Variants in BBS4 observed in about 807,000 individuals in gnomAD.
BBS4 encodes the protein Bardet-Biedl syndrome 4.
In BBS4, 58 loss-of-function variants were observed where a neutral mutation model predicts 71.4. The ratio of observed to expected loss-of-function variants is 0.81; its 90% CI spans 0.66 to 1.01. BBS4 has a LOEUF of 1.01. BBS4 is among the 50% of genes least tolerant of loss of function. The probability of loss-of-function intolerance (pLI) is 0.00; values close to 1 mark genes in which losing one functional copy is unlikely to be tolerated. For missense variants in BBS4, 660 were observed against 607.9 expected (o/e 1.09, Z -0.90); for synonymous variants, 228 against 216.8 (o/e 1.05, Z -0.46).
chr15:72,686,215 G>A lies in BBS4; in HGVS notation c.-13G>A. The A allele has an allele frequency of 6.4e-7, 1 of 1,560,204 alleles. No homozygotes were observed. Among genetic ancestry groups the A allele is most frequent in the Non-Finnish European group, 8.7e-7 (1 of 1,153,130 alleles). On this transcript the variant is annotated 5_prime_UTR_variant, in exon 1 of 16. Coordinates refer to ENST00000268057, the MANE Select transcript of BBS4 (RefSeq NM_033028.5). ...CGCCGACTTCCGGCCGCGCAGCGGT[G>A]GGCTGAGCTAAAATGGCTGAGGAGA...
chr15:72,692,589 A>T (rs2065006342), intron 1 of BBS4, among the ~76,000 whole-genome samples: 1 of 150,180 alleles, frequency 6.7e-6, no homozygotes, highest in South Asian at 2.1e-4. Context: ...CTGGGATTAG[A>T]GGTGTGAGCC....
At chr15:72,702,451 C>CACACA (rs1292165489) in intron 2 of BBS4, among the ~76,000 whole-genome samples, 6 of 152,130 alleles carry the variant, frequency 3.9e-5, no homozygotes, top group Non-Finnish European at 5.9e-5. Flanking sequence ...GATACATGCA[C>CACACA]ACACACCCTT....
chr15:72,692,398 C>G (rs1034788158), intron 1 of BBS4, among the ~76,000 whole-genome samples: 1 of 141,294 alleles, frequency 7.1e-6, no homozygotes, highest in Non-Finnish European at 1.5e-5. Flanking sequence ...TCACTGCAAC[C>G]TCTGCCTCCT....
At chr15:72,713,444 A>G (rs1442448431) in intron 4 of BBS4, among the ~76,000 whole-genome samples, 3 of 152,146 alleles carry the variant, frequency 2.0e-5, no homozygotes, top group Non-Finnish European at 2.9e-5. Context: ...TTCAGTGGCA[A>G]TAACATACAT....
chr15:72,704,427 G>A, intron 2 of BBS4: 4 of 1,287,226 alleles, frequency 3.1e-6, no homozygotes, highest in Non-Finnish European at 4.1e-6. Context: ...TTTTTAGGGG[G>A]AGTTGGAGTG....
chr15:72,706,427 C>A (rs1297426176), intron 2 of BBS4, among the ~76,000 whole-genome samples: 1 of 152,140 alleles, frequency 6.6e-6, no homozygotes, highest in African/African-American at 2.4e-5. Flanking sequence ...TGAGTCACCA[C>A]CCCCGGACCC....
At chr15:72,688,722 A>G (rs2064925939) in intron 1 of BBS4, among the ~76,000 whole-genome samples, 2 of 152,202 alleles carry the variant, frequency 1.3e-5, no homozygotes, top group Non-Finnish European at 2.9e-5. Flanking sequence ...AATACAATTA[A>G]AAGAACCCAG....
intron 2 of BBS4, among the ~76,000 whole-genome samples, chr15:72,696,691 TG>T (rs1201353295): frequency 6.6e-6 from 1 of 152,112 alleles, no homozygotes; most frequent in Admixed American, 6.5e-5. Flanking sequence ...CTGAAACTCC[TG>T]GGTTCAAATG....
chr15:72,736,656 C>T (rs1015410875), intron 14 of BBS4, 106 bp from the exon 15 acceptor site: 1 of 1,051,890 alleles, frequency 9.5e-7, no homozygotes, highest in Non-Finnish European at 1.5e-6. Flanking sequence ...GCTAGTACGA[C>T]CAGACACTAT....
intron 1 of BBS4, among the ~76,000 whole-genome samples, chr15:72,693,022 T>C (rs1056121054): frequency 6.6e-6 from 1 of 152,222 alleles, no homozygotes; most frequent in Admixed American, 6.5e-5. Context: ...TTGGAAGTTA[T>C]ACTTTGCCTT....
At chr15:72,696,748 G>A (rs192803328) in intron 2 of BBS4, among the ~76,000 whole-genome samples, 53 of 152,044 alleles carry the variant, frequency 3.5e-4, no homozygotes, top group African/African-American at 1.2e-3. Context: ...GCCATGCCTG[G>A]CTAATTTTTA....
intron 3 of BBS4, 102 bp from the exon 4 acceptor site, chr15:72,712,142 C>A: frequency 9.5e-7 from 1 of 1,053,176 alleles, no homozygotes; most frequent in Non-Finnish European, 1.4e-6. Flanking sequence ...TTTGGGATTA[C>A]AAGCATGAGC....
chr15:72,691,692 G>A (rs2064986179), intron 1 of BBS4, among the ~76,000 whole-genome samples: 1 of 152,162 alleles, frequency 6.6e-6, no homozygotes, highest in Non-Finnish European at 1.5e-5. Context: ...GCTGCTGGGT[G>A]CAGTGGCTTA....
rs1345151856 is a variant in BBS4 at position 72,738,444 on chromosome 15, G to GAGATCATAATAAAAACCTAAAA, written c.*858_*879dup. ...AATTGTTATTCAGGTATAAAAACAA[G>GAGATCATAATAAAAACCTAAAA]AGATCATAATAAAAACCTAAAAGAA... On this transcript the variant is annotated 3_prime_UTR_variant, in exon 16 of 16. Transcript: ENST00000268057. 2.7e-6 allele frequency: 1 copy of GAGATCATAATAAAAACCTAAAA among 372,062 alleles called. No individual in the cohort carries two copies. The highest frequency in any genetic ancestry group is 5.2e-6 in the Non-Finnish European group (1 of 192,236). The allele number at this position is 372,062 out of a possible 1,614,324, so 23.0% of individuals were successfully genotyped here.
intron 3 of BBS4, among the ~76,000 whole-genome samples, chr15:72,711,419 G>A (rs748459374): frequency 6.6e-5 from 10 of 152,304 alleles, no homozygotes; most frequent in Non-Finnish European, 1.2e-4. Flanking sequence ...AAAGTGCTGG[G>A]ATTACATGCG....
At chr15:72,701,347 C>T (rs971542846) in intron 2 of BBS4, among the ~76,000 whole-genome samples, 5 of 152,212 alleles carry the variant, frequency 3.3e-5, no homozygotes, top group African/African-American at 1.2e-4. Flanking sequence ...GGGGCTCTAC[C>T]TAAGTCTATT....
chr15:72,731,425 A>T lies in BBS4; in HGVS notation c.832A>T (p.Met278Leu), dbSNP rs768558064. 4.3e-6 allele frequency: 7 copies of T among 1,614,048 alleles called. No individual in the cohort carries two copies. The highest frequency in any genetic ancestry group is 1.3e-5 in the African/African-American group (1 of 74,892). The change falls in exon 11 of 16, where the codon ATG becomes TTG. Residue 278 changes from methionine to leucine, a missense_variant. By Grantham distance (15) the Met-to-Leu change is conservative. Transcript: ENST00000268057. Reference sequence around the variant, plus strand: ...TCCTCCACTCTGGAATAACATTGGAATGTGTTTCTTTGGCAAGAAGAAATA... The same window carrying T: ...TCCTCCACTCTGGAATAACATTGGATTGTGTTTCTTTGGCAAGAAGAAATA... ...ESPPLWNNIG[M>L]CFFGKKKYVA...
At chr15:72,728,618 T>C (rs1304595582) in intron 9 of BBS4, among the ~76,000 whole-genome samples, 3 of 152,196 alleles carry the variant, frequency 2.0e-5, no homozygotes, top group South Asian at 2.1e-4. Flanking sequence ...ACTTAGGGCT[T>C]TGGGGCAAAG....
Position 72,705,424 on chromosome 15 carries a change from A to C in BBS4, c.77-4276A>C, listed in dbSNP as rs1025608232. Among the ~76,000 whole-genome samples the C allele has an allele frequency of 2.0e-5, 3 of 152,168 alleles. No homozygotes were observed. In the South Asian group the frequency reaches 6.2e-4, roughly 31 times the overall value. On this transcript the variant is annotated intron_variant, in intron 2 of 15. Coordinates refer to ENST00000268057, the MANE Select transcript of BBS4 (RefSeq NM_033028.5). ...CGAAAATTAGCTTTTGGACAGCTAC[A>C]TCTCCAAGAGTGTGAAATGACCTTC... is the stretch of plus-strand genomic sequence containing the variant.
Sources: allele counts gnomAD v4.1 joint callset (sites outside exome capture counted in the v4.1 genomes callset), GRCh38; gene constraint gnomAD v4.1.1; transcripts MANE v1.5; gene names NCBI Gene and HGNC (gene_info 2026-07-23, HGNC 2026-07-21).